The following RPS4X variants were observed in gnomAD, a reference collection of about 807,000 sequenced individuals.
RPS4X encodes the protein small ribosomal subunit protein eS4, X isoform.
For synonymous variants in RPS4X, 76 were observed against 76.8 expected, an observed-to-expected ratio of 0.99 and a Z score of 0.06; for missense variants, 90 against 219.1, an observed-to-expected ratio of 0.41 and a Z score of 3.72.
At chrX:72,274,024 T>C (rs749763951) in intron 4 of RPS4X, 52 bp from the exon 5 acceptor site, 3 of 1,101,949 alleles carry the variant, frequency 2.7e-6, no homozygotes, top group East Asian at 6.0e-5. Flanking sequence ...ATGTACTTTT[T>C]AACCCTATAC....
At chrX:72,276,640 T>C (rs966577655) in intron 1 of RPS4X, among the ~76,000 whole-genome samples, 1 of 112,155 alleles carries the variant, frequency 8.9e-6, no homozygotes, top group African/African-American at 3.2e-5. Context: ...TCACAATTTA[T>C]TACCGTCTGT....
At chrX:72,274,536 A>C in intron 4 of RPS4X, 1 of 324,959 alleles carries the variant, frequency 3.1e-6, no homozygotes, top group Non-Finnish European at 6.1e-6. Flanking sequence ...AAACCATCAA[A>C]ACAAACTGGA....
Position 72,273,811 on chromosome X carries a change from C to T in RPS4X, c.522G>A (p.Lys174=), listed in dbSNP as rs764266134. The change falls in exon 5 of 7, where the codon AAG becomes AAA. Residue 174 remains lysine, a synonymous_variant. Coordinates refer to ENST00000316084, the MANE Select transcript of RPS4X (RefSeq NM_001007.5). ...ACAGAGGATGCTTACCAGTGTCGAACTTGATGAAATCAGTAATCTTGCCAG... is the reference window on the plus strand; with the variant it reads ...ACAGAGGATGCTTACCAGTGTCGAATTTGATGAAATCAGTAATCTTGCCAG... The part of the protein sequence containing the change: ...LETGKITDFI[K]FDTGNLCMVT... 37 of 1,207,066 alleles carry T rather than the reference C, an allele frequency of 3.1e-5. No homozygotes were observed. In the Admixed American group the frequency reaches 7.5e-4, roughly 24 times the overall value.
Position 72,275,719 on chromosome X carries a change from A to G in RPS4X, c.87T>C (p.Pro29=), listed in dbSNP as rs2043200224. Residue 29 remains proline, a synonymous_variant, in exon 3 of 7, where the codon CCT becomes CCC. Transcript: ENST00000316084. The part of the protein sequence containing the change: ...MLDKLTGVFA[P]RPSTGPHKLR... ...ACTTGTGGGGACCGGTGGATGGACG[A>G]GGAGCCTGTAACGTTAAAAATGATA... 8.4e-7 allele frequency: 1 copy of G among 1,193,370 alleles called. No homozygotes were observed. Among genetic ancestry groups the G allele is most frequent in the Middle Eastern group, 2.3e-4 (1 of 4,318 alleles).
intron 5 of RPS4X, 110 bp downstream of exon 5, chrX:72,273,691 C>T (rs1013821663): frequency 2.7e-5 from 17 of 641,355 alleles, no homozygotes; most frequent in Non-Finnish European, 3.9e-5. Context: ...GCTATAAACA[C>T]ACCTGGGCGA....
intron 1 of RPS4X, 86 bp from the exon 2 acceptor site, chrX:72,276,320 T>G (rs2043203538): frequency 3.0e-6 from 2 of 659,020 alleles, no homozygotes; most frequent in African/African-American, 2.2e-5. Context: ...TAGTTTAGTT[T>G]CATCTTCAGC....
rs190805449 is a variant in RPS4X at position 72,272,979 on chromosome X, T to C, written c.691-207A>G. On this transcript the variant is annotated intron_variant, in intron 6 of 6. Coordinates refer to ENST00000316084, the MANE Select transcript of RPS4X (RefSeq NM_001007.5). ...TGGGGCTGTCCTATGAAACTCACCG[T>C]ATGCCCTTCAGAATTAATGTCTTAG... 1.6e-4 allele frequency among the ~76,000 whole-genome samples: 18 copies of C among 112,127 alleles called. No homozygotes were observed. The East Asian group carries it at 4.8e-3, about 30-fold the overall frequency.
chrX:72,274,075 C>T (rs775052312), intron 4 of RPS4X, 103 bp from the exon 5 acceptor site: 5 of 715,546 alleles, frequency 7.0e-6, no homozygotes, highest in African/African-American at 6.5e-5. Context: ...TTAATTGTGA[C>T]GCTGATCGTT....
At chrX:72,275,899 T>C (rs1454704880) in intron 2 of RPS4X, among the ~76,000 whole-genome samples, 175 bp from the exon 3 acceptor site, 1 of 111,850 alleles carries the variant, frequency 8.9e-6, no homozygotes, top group African/African-American at 3.2e-5. Flanking sequence ...TAAAGTTTTA[T>C]AGCATCTTCC....
chrX:72,273,412 C>T (rs1485258275), intron 5 of RPS4X, 23 bp from the exon 6 acceptor site: 3 of 1,159,081 alleles, frequency 2.6e-6, no homozygotes, highest in African/African-American at 3.6e-5. Context: ...AAATAATCTG[C>T]TTCAACTCAA....
At chrX:72,275,417 G>C (rs898924332) in intron 3 of RPS4X, 127 bp downstream of exon 3, 10 of 540,680 alleles carry the variant, frequency 1.8e-5, no homozygotes, top group Non-Finnish European at 3.0e-5. Context: ...GTAAAAAACA[G>C]AGGGAAGGTC....
chrX:72,275,298 G>A (rs924848152), intron 3 of RPS4X, 148 bp from the exon 4 acceptor site: 46 of 468,932 alleles, frequency 9.8e-5, no homozygotes, highest in Middle Eastern at 6.9e-4. Context: ...AAAGATCACG[G>A]CCAGATCTTC....
At chrX:72,276,985 C>T (rs976301619) in intron 1 of RPS4X, among the ~76,000 whole-genome samples, 8 of 112,274 alleles carry the variant, frequency 7.1e-5, no homozygotes, top group Non-Finnish European at 1.5e-4. Context: ...CCGAGGCCTT[C>T]CCAACAGCAG....
chrX:72,276,294 T>C (rs2043203385), intron 1 of RPS4X, 60 bp from the exon 2 acceptor site: 1 of 883,305 alleles, frequency 1.1e-6, no homozygotes, highest in African/African-American at 2.0e-5. Flanking sequence ...TAAAACCTAG[T>C]GTGAAACTAA....
intron 1 of RPS4X, 58 bp downstream of exon 1, chrX:72,277,135 C>A: frequency 8.3e-7 from 1 of 1,198,298 alleles, no homozygotes; most frequent in East Asian, 3.0e-5. Flanking sequence ...CGGGCAGCCC[C>A]GGCCGGGGGA....
intron 6 of RPS4X, among the ~76,000 whole-genome samples, chrX:72,273,027 A>C (rs2043186924): frequency 9.0e-6 from 1 of 111,545 alleles, no homozygotes; most frequent in Non-Finnish European, 1.9e-5. Context: ...CATAGCAGGC[A>C]CCTACCATTT....
Position 72,277,208 on chromosome X carries a change from C to A in RPS4X, c.-13G>T, listed in dbSNP as rs751546736. ...AACGGCTTACCATGGCTGCGTTAGG[C>A]AAGGAAAGAGGACCTCCGTCTTCCG... On this transcript the variant is annotated 5_prime_UTR_variant, in exon 1 of 7. Transcript: ENST00000316084. The A allele has an allele frequency of 1.7e-6, 2 of 1,210,291 alleles. No individual in the cohort carries two copies. The highest frequency in any genetic ancestry group is 2.2e-6 in the Non-Finnish European group (2 of 894,585).
intron 6 of RPS4X, 70 bp downstream of exon 6, chrX:72,273,162 G>A (rs1000825369): frequency 1.3e-5 from 14 of 1,045,407 alleles, no homozygotes; most frequent in African/African-American, 5.6e-5. Flanking sequence ...GAGCCTGGAT[G>A]CTACAATCCC....
intron 1 of RPS4X, among the ~76,000 whole-genome samples, chrX:72,276,707 T>C (rs1387971717): frequency 8.9e-6 from 1 of 112,462 alleles, no homozygotes; most frequent in Non-Finnish European, 1.9e-5. Flanking sequence ...TGCTGCTCCT[T>C]CGTACACTAA....
Sources: gnomAD v4.1 joint callset for allele counts (sites outside exome capture counted in the v4.1 genomes callset) on GRCh38, gnomAD v4.1.1 for gene constraint, MANE v1.5 for transcripts, NCBI Gene and HGNC (gene_info 2026-07-23, HGNC 2026-07-21) for gene names.